Variants in FHIT observed in about 807,000 individuals in gnomAD.
FHIT encodes bis(5'-adenosyl)-triphosphatase.
Under a neutral mutation model 17.9 loss-of-function variants are expected in FHIT, and 19 were observed. The ratio of observed to expected loss-of-function variants is 1.06; its 90% CI spans 0.74 to 1.56. The LOEUF (loss-of-function observed/expected upper bound fraction) is 1.56, where lower values mean the gene tolerates loss of function less well. Ranked by LOEUF, FHIT falls within the 40% of genes most tolerant of loss-of-function variation. FHIT has a pLI of 0.00. For missense variants in FHIT, 248 were observed against 189.2 expected, an observed-to-expected ratio of 1.31 and a Z score of -1.82; for synonymous variants, 81 against 69.7, an observed-to-expected ratio of 1.16 and a Z score of -0.81.
chr3:61,098,962 T>C (rs2035731866), intron 2 of FHIT, among the ~76,000 whole-genome samples: 1 of 152,198 alleles, frequency 6.6e-6, no homozygotes, highest in African/African-American at 2.4e-5. Flanking sequence ...CTATGTTGAA[T>C]GGATGTGGTG....
chr3:60,684,499 T>G (rs1407955534), intron 4 of FHIT, among the ~76,000 whole-genome samples: 2 of 152,144 alleles, frequency 1.3e-5, no homozygotes, highest in African/African-American at 4.8e-5. Context: ...CCACTCCATG[T>G]GCGGTTTTCC....
intron 3 of FHIT, among the ~76,000 whole-genome samples, chr3:60,955,605 T>TATATATATATATATATATATATATAC (rs1559862168): frequency 1.6e-4 from 14 of 85,654 alleles, no homozygotes; most frequent in African/African-American, 6.8e-4. Flanking sequence ...TACATATATA[T>TATATATATATATATATATATATATAC]ATATATATAT....
intron 4 of FHIT, among the ~76,000 whole-genome samples, chr3:60,621,408 C>A (rs2039125834): frequency 1.3e-5 from 2 of 152,012 alleles, no homozygotes; most frequent in Non-Finnish European, 2.9e-5. Context: ...CTCAGCCTCC[C>A]AAAGTGCTGG....
intron 5 of FHIT, among the ~76,000 whole-genome samples, chr3:60,331,161 C>T (rs1316574284): frequency 2.0e-5 from 3 of 152,168 alleles, no homozygotes; most frequent in Non-Finnish European, 4.4e-5. Context: ...CATGAAGTAC[C>T]CTTACCTCCA....
intron 4 of FHIT, among the ~76,000 whole-genome samples, chr3:60,596,778 C>T (rs2038285152): frequency 6.6e-6 from 1 of 152,106 alleles, no homozygotes; most frequent in Non-Finnish European, 1.5e-5. Context: ...CATGATAATA[C>T]TTTCTATCTC....
At chr3:60,784,263 C>G (rs146368976) in intron 4 of FHIT, among the ~76,000 whole-genome samples, 173 of 152,196 alleles carry the variant, frequency 1.1e-3, no homozygotes, top group Non-Finnish European at 1.9e-3. Flanking sequence ...AGGCCCCGGA[C>G]AGCTGTGTCC....
intron 8 of FHIT, among the ~76,000 whole-genome samples, chr3:59,790,595 G>A (rs920786404): frequency 2.6e-5 from 4 of 151,974 alleles, no homozygotes; most frequent in Non-Finnish European, 4.4e-5. Context: ...GATTGTAGGA[G>A]GAGAAAACAA....
chr3:60,141,773 T>C (rs1003988655), intron 5 of FHIT, among the ~76,000 whole-genome samples: 2 of 152,192 alleles, frequency 1.3e-5, no homozygotes, highest in Non-Finnish European at 2.9e-5. Flanking sequence ...ACCAACAAAC[T>C]TCAGCAAGAA....
chr3:59,969,135 G>A (rs572725209), intron 7 of FHIT, among the ~76,000 whole-genome samples: 9 of 152,200 alleles, frequency 5.9e-5, no homozygotes, highest in South Asian at 2.1e-4. Flanking sequence ...TCCTTCACTC[G>A]TAGGGAAAAC....
chr3:60,127,431 C>T (rs1490907275), intron 5 of FHIT, among the ~76,000 whole-genome samples: 1 of 152,142 alleles, frequency 6.6e-6, no homozygotes, highest in Non-Finnish European at 1.5e-5. Flanking sequence ...CTTCCTCCCC[C>T]TTTCCACCCA....
chr3:59,986,897 T>A (rs1177262304), intron 7 of FHIT, among the ~76,000 whole-genome samples: 1 of 118,090 alleles, frequency 8.5e-6, no homozygotes, highest in East Asian at 2.3e-4. Context: ...ATTCATATAT[T>A]TTATATTATA....
rs576367016 is a variant in FHIT, at chr3:60,595,576, T to C, written c.-17-58597A>G. Among the ~76,000 whole-genome samples, 7 of 151,462 alleles carry C rather than the reference T, an allele frequency of 4.6e-5. No individual in the cohort carries two copies. In the South Asian group the frequency reaches 8.4e-4, roughly 18 times the overall value. On this transcript the variant is annotated intron_variant, in intron 4 of 9. Transcript: ENST00000492590. ...ATATGGACATATGTGTATATATATATACGCACATACGTATGTGTATATACG... is the reference window on the plus strand; with the variant it reads ...ATATGGACATATGTGTATATATATACACGCACATACGTATGTGTATATACG...
intron 3 of FHIT, among the ~76,000 whole-genome samples, chr3:60,842,645 A>ATATTTTTTT (rs1396703397): frequency 1.1e-5 from 1 of 94,600 alleles, no homozygotes; most frequent in Non-Finnish European, 2.2e-5. Context: ...ATATATATAT[A>ATATTTTTTT]TTTTTTTTTT....
At chr3:60,632,101 TG>T (rs2039459947) in intron 4 of FHIT, among the ~76,000 whole-genome samples, 2 of 151,980 alleles carry the variant, frequency 1.3e-5, no homozygotes, top group African/African-American at 2.4e-5. Flanking sequence ...TTTTGTTTTT[TG>T]TTTTTTTTTA....
At chr3:60,688,988 A>G (rs2040924281) in intron 4 of FHIT, among the ~76,000 whole-genome samples, 2 of 152,138 alleles carry the variant, frequency 1.3e-5, no homozygotes, top group African/African-American at 2.4e-5. Flanking sequence ...CTCATCTTGT[A>G]GCTCCCATAA....
chr3:61,183,676 T>A (rs2038413758), intron 2 of FHIT, among the ~76,000 whole-genome samples: 1 of 152,168 alleles, frequency 6.6e-6, no homozygotes, highest in African/African-American at 2.4e-5. Flanking sequence ...CTGTAGTATA[T>A]CAAAAGCCAA....
Position 60,173,915 on chromosome 3 carries a change from A to ATATATTTTTTTT in FHIT, c.104-159764_104-159763insAAAAAAAATATA. ...TATATATATATATATATATATATAT[A>ATATATTTTTTTT]TGTTTTTTTTTTTTTTTGAGATCGA... On this transcript the variant is annotated intron_variant, in intron 5 of 9. Coordinates refer to ENST00000492590, the MANE Select transcript of FHIT (RefSeq NM_002012.4). Among the ~76,000 whole-genome samples the ATATATTTTTTTT allele has an allele frequency of 1.6e-3, 103 of 66,404 alleles. 5 individuals are homozygous for ATATATTTTTTTT. The highest frequency in any genetic ancestry group is 2.6e-3 in the Non-Finnish European group (93 of 36,090). 43.6% of individuals were successfully genotyped at this position (66,404 alleles called of 152,430 possible).
intron 3 of FHIT, among the ~76,000 whole-genome samples, chr3:60,953,320 T>C (rs2107465872): frequency 6.6e-6 from 1 of 152,340 alleles, no homozygotes; most frequent in South Asian, 2.1e-4. Context: ...CGATTTCCTT[T>C]CATCTTTGCT....
intron 7 of FHIT, among the ~76,000 whole-genome samples, chr3:59,949,354 G>A (rs947151878): frequency 1.3e-5 from 2 of 152,096 alleles, no homozygotes; most frequent in Admixed American, 6.6e-5. Flanking sequence ...CTATGAACAG[G>A]CTCTATTTCT....
Sources: allele counts gnomAD v4.1 joint callset (sites outside exome capture counted in the v4.1 genomes callset), GRCh38; gene constraint gnomAD v4.1.1; transcripts MANE v1.5; gene names NCBI Gene and HGNC (gene_info 2026-07-23, HGNC 2026-07-21).